SPATA13: variants seen among roughly 807,000 people sequenced by gnomAD.
SPATA13 encodes spermatogenesis-associated protein 13.
Under a neutral mutation model 104.0 loss-of-function variants are expected in SPATA13, and 50 were observed. That is an observed-to-expected ratio of 0.48 (90% CI 0.38 to 0.61). The LOEUF (loss-of-function observed/expected upper bound fraction) is 0.61. Ranked by LOEUF, SPATA13 falls within the 20% of genes least tolerant of loss-of-function variation. The probability of loss-of-function intolerance (pLI) is 0.00; values close to 1 mark genes in which losing one functional copy is unlikely to be tolerated. For synonymous variants in SPATA13, 606 were observed against 667.5 expected, an observed-to-expected ratio of 0.91 and a Z score of 1.42; for missense variants, 1,524 against 1,690.6, an observed-to-expected ratio of 0.90 and a Z score of 1.73.
intron 2 of SPATA13, among the ~76,000 whole-genome samples, chr13:24,012,833 G>A (rs1169000090): frequency 6.6e-6 from 1 of 152,210 alleles, no homozygotes; most frequent in African/African-American, 2.4e-5. Flanking sequence ...AGTGGCATCT[G>A]TTTGGTTTAT....
chr13:24,012,811 G>GT (rs1566071936), intron 2 of SPATA13, among the ~76,000 whole-genome samples: 1 of 152,214 alleles, frequency 6.6e-6, no homozygotes, highest in Non-Finnish European at 1.5e-5. Context: ...CCTGAGCCCC[G>GT]TGGCTGCAGA....
chr13:24,162,058 T>C (rs1882521911), intron 1 of SPATA13, among the ~76,000 whole-genome samples: 1 of 152,140 alleles, frequency 6.6e-6, no homozygotes, highest in Admixed American at 6.5e-5. Context: ...ACTGCATTAT[T>C]CTCGGGGTGC....
chr13:24,159,752 G>T (rs1391231632), upstream of SPATA13, among the ~76,000 whole-genome samples: 1 of 152,022 alleles, frequency 6.6e-6, no homozygotes, highest in African/African-American at 2.4e-5. Flanking sequence ...TTTTCATTGG[G>T]TAATATAATT....
At chr13:23,998,205 G>T (rs1020310274) in intron 2 of SPATA13, among the ~76,000 whole-genome samples, 1 of 152,152 alleles carries the variant, frequency 6.6e-6, no homozygotes, top group Non-Finnish European at 1.5e-5. Context: ...CCCACCCTAG[G>T]ATGTTCCAGT....
At chr13:24,155,543 T>C (rs1882233122) in intron 3 of SPATA13, among the ~76,000 whole-genome samples, 1 of 152,098 alleles carries the variant, frequency 6.6e-6, no homozygotes, top group Non-Finnish European at 1.5e-5. Context: ...GGCAGTGGGA[T>C]GGAGTGGAAG....
intron 2 of SPATA13, among the ~76,000 whole-genome samples, chr13:23,990,377 C>T (rs149480697): frequency 2.9e-3 from 436 of 152,320 alleles, no homozygotes; most frequent in African/African-American, 9.9e-3. Context: ...CTGGCTCACT[C>T]CCTCTGTTTC....
intron 3 of SPATA13, among the ~76,000 whole-genome samples, chr13:24,070,502 A>G (rs1280186340): frequency 6.6e-6 from 1 of 152,148 alleles, no homozygotes. Context: ...GAGCCAATAG[A>G]ACTTTACTGA....
chr13:24,035,288 G>A (rs1221489262), intron 3 of SPATA13, among the ~76,000 whole-genome samples: 1 of 152,124 alleles, frequency 6.6e-6, no homozygotes, highest in Non-Finnish European at 1.5e-5. Context: ...CCGAGTAGCT[G>A]GGATTACAGG....
chr13:24,116,538 A>G (rs182741773), intron 3 of SPATA13, among the ~76,000 whole-genome samples: 1 of 152,006 alleles, frequency 6.6e-6, no homozygotes, highest in Non-Finnish European at 1.5e-5. Flanking sequence ...CCTGCACTTG[A>G]TCTTCATTAT....
At chr13:24,022,944 T>TTA (rs1877051245) in intron 3 of SPATA13, among the ~76,000 whole-genome samples, 1 of 152,038 alleles carries the variant, frequency 6.6e-6, no homozygotes, top group Non-Finnish European at 1.5e-5. Context: ...CTTCTTTTTT[T>TTA]TTATTATTAT....
At chr13:24,128,655 G>A (rs889078308) in intron 3 of SPATA13, among the ~76,000 whole-genome samples, 9 of 151,598 alleles carry the variant, frequency 5.9e-5, no homozygotes, top group African/African-American at 2.2e-4. Context: ...GCCTTGTTGT[G>A]GAAACAGGAC....
At chr13:24,059,206 C>T (rs1032496929) in intron 3 of SPATA13, among the ~76,000 whole-genome samples, 3 of 151,582 alleles carry the variant, frequency 2.0e-5, no homozygotes, top group Non-Finnish European at 4.4e-5. Flanking sequence ...CTCCTGACCT[C>T]GTAATCCACC....
chr13:24,075,336 G>A (rs1010428820), intron 3 of SPATA13, among the ~76,000 whole-genome samples: 1 of 152,020 alleles, frequency 6.6e-6, no homozygotes, highest in African/African-American at 2.4e-5. Context: ...TCTCGGTTTG[G>A]CAAATAGTAG....
At chr13:24,111,606 G>A (rs777485830) in intron 3 of SPATA13, among the ~76,000 whole-genome samples, 5 of 152,040 alleles carry the variant, frequency 3.3e-5, no homozygotes, top group Admixed American at 6.5e-5. Context: ...GGTTTTCACC[G>A]TGTTGCACAG....
chr13:24,097,226 A>G (rs1880113725), intron 3 of SPATA13, among the ~76,000 whole-genome samples: 1 of 152,184 alleles, frequency 6.6e-6, no homozygotes, highest in South Asian at 2.1e-4. Context: ...ACAGTTCACT[A>G]TATGCCAGGC....
Position 24,274,526 on chromosome 13 carries a change from C to T in SPATA13, c.2165-9609C>T, listed in dbSNP as rs374002408. 1.2e-4 allele frequency among the ~76,000 whole-genome samples: 19 copies of T among 152,330 alleles called. No homozygotes were observed. In the South Asian group the frequency reaches 3.9e-3, roughly 32 times the overall value. ...GTTTTGACGTTGTCAGTTCCTGTGA[C>T]CCAGCTCTTTCCCTCTGTGTGCATC... On this transcript the variant is annotated intron_variant, in intron 4 of 12. Transcript: ENST00000382108.
In SPATA13 at chr13:24,222,913, C is replaced by G; in HGVS notation, c.-17C>G. 1 of 1,550,544 alleles carries G rather than the reference C, an allele frequency of 6.4e-7. No individual in the cohort carries two copies. The highest frequency in any genetic ancestry group is 8.7e-7 in the Non-Finnish European group (1 of 1,146,408). On this transcript the variant is annotated 5_prime_UTR_variant, in exon 2 of 13. Coordinates refer to ENST00000382108, the MANE Select transcript of SPATA13 (RefSeq NM_001166271.3). ...GGCCTGGAGCTGCGGTCTGCGGACT[C>G]GGCAGTGCCCGTGGCCATGACCCAG...
chr13:24,085,870 G>A (rs1365448758), intron 3 of SPATA13, among the ~76,000 whole-genome samples: 1 of 152,230 alleles, frequency 6.6e-6, no homozygotes, highest in Non-Finnish European at 1.5e-5. Flanking sequence ...ATAGTGCAAA[G>A]CACCGGAACC....
intron 3 of SPATA13, among the ~76,000 whole-genome samples, chr13:24,072,928 T>G (rs1400192714): frequency 6.6e-6 from 1 of 150,760 alleles, no homozygotes; most frequent in East Asian, 2.0e-4. Flanking sequence ...CCAGCCCATA[T>G]GTGAAAACCA....
Sources: gnomAD v4.1 joint callset for allele counts (sites outside exome capture counted in the v4.1 genomes callset) on GRCh38, gnomAD v4.1.1 for gene constraint, MANE v1.5 for transcripts, NCBI Gene and HGNC (gene_info 2026-07-23, HGNC 2026-07-21) for gene names.